Variants in KCNQ5 observed in about 807,000 individuals in gnomAD.
The protein encoded by KCNQ5 is potassium voltage-gated channel subfamily Q member 5.
KCNQ5 carries 30 observed loss-of-function variants against 98.2 expected under a neutral mutation model. That is an observed-to-expected ratio of 0.31 (90% CI 0.23 to 0.41). KCNQ5 has a LOEUF of 0.41. Ranked by LOEUF, KCNQ5 falls within the 10% of genes least tolerant of loss-of-function variation. The probability of loss-of-function intolerance (pLI) is 1.00; values close to 1 mark genes in which losing one functional copy is unlikely to be tolerated. For synonymous variants in KCNQ5, 458 were observed against 449.4 expected (o/e 1.02, Z -0.24); for missense variants, 835 against 1,182.5 (o/e 0.71, Z 4.31).
At chr6:72,839,703 T>C (rs1776698686) in intron 1 of KCNQ5, among the ~76,000 whole-genome samples, 2 of 152,222 alleles carry the variant, frequency 1.3e-5, no homozygotes, top group Admixed American at 1.3e-4. Flanking sequence ...TATATTTTTA[T>C]GGGGTACAAC....
At position 72,783,624 on chromosome 6, in the gene KCNQ5, T is replaced by C. The variant is rs1312457118; in HGVS notation, c.398+161037T>C. On this transcript the variant is annotated intron_variant, in intron 1 of 13. Coordinates refer to ENST00000370398, the MANE Select transcript of KCNQ5 (RefSeq NM_019842.4). ...CTAGGTATTTTTTTATCCTCGATAT[T>C]GCCAGATAAAGAAATTATAGAAAGA... 5.3e-5 allele frequency among the ~76,000 whole-genome samples: 8 copies of C among 152,206 alleles called. No homozygotes were observed. The East Asian group carries it at 1.5e-3, about 29-fold the overall frequency.
At chr6:73,194,347 T>C in intron 13 of KCNQ5, 105 bp from the exon 14 acceptor site, 3 of 987,622 alleles carry the variant, frequency 3.0e-6, no homozygotes, top group Non-Finnish European at 3.0e-6. Flanking sequence ...TCAATATTTC[T>C]TTAAATGTGT....
At chr6:72,641,609 T>A (rs192148118) in intron 1 of KCNQ5, among the ~76,000 whole-genome samples, 387 of 152,152 alleles carry the variant, frequency 2.5e-3, no homozygotes, top group African/African-American at 7.9e-3. Flanking sequence ...TGTGTGTGTG[T>A]GAGAGAGAGA....
chr6:72,978,036 G>A (rs754797241), intron 1 of KCNQ5, among the ~76,000 whole-genome samples: 15 of 152,160 alleles, frequency 9.9e-5, no homozygotes, highest in Non-Finnish European at 1.8e-4. Flanking sequence ...CTGTTCTCAT[G>A]GAGGATACAT....
At chr6:72,837,762 T>C (rs111723277) in intron 1 of KCNQ5, among the ~76,000 whole-genome samples, 2 of 151,394 alleles carry the variant, frequency 1.3e-5, no homozygotes, top group African/African-American at 4.9e-5. Flanking sequence ...ATGTTAAACA[T>C]ATATATGTTT....
intron 1 of KCNQ5, among the ~76,000 whole-genome samples, chr6:72,912,770 A>G (rs1012127680): frequency 6.6e-6 from 1 of 152,232 alleles, no homozygotes; most frequent in Non-Finnish European, 1.5e-5. Flanking sequence ...TCTTTGTTGT[A>G]TTTAAAAACA....
Position 73,196,661 on chromosome 6 carries a change from T to C in KCNQ5, c.*1247T>C, listed in dbSNP as rs773552309. 1 of 152,190 alleles carries C rather than the reference T, an allele frequency of 6.6e-6. No homozygotes were observed. Among genetic ancestry groups the C allele is most frequent in the Non-Finnish European group, 1.5e-5 (1 of 68,044 alleles). The allele number at this position is 152,190 out of a possible 1,614,324, so 9.4% of individuals were successfully genotyped here. A position where few individuals can be genotyped will look rare whatever the true frequency, so the allele number is the denominator to read the frequency against. On this transcript the variant is annotated 3_prime_UTR_variant, in exon 14 of 14. Coordinates refer to ENST00000370398, the MANE Select transcript of KCNQ5 (RefSeq NM_019842.4). ...ACGAAACTTCCTTTACTTTTTATAC[T>C]GTAGTGAAAATTTTCTATTCTTCCC...
intron 1 of KCNQ5, among the ~76,000 whole-genome samples, chr6:72,825,265 T>A (rs146272542): frequency 6.6e-6 from 1 of 152,320 alleles, no homozygotes; most frequent in African/African-American, 2.4e-5. Flanking sequence ...CACTTTCTGT[T>A]CCCCTTCCCT....
chr6:73,102,811 G>A (rs558019094), intron 5 of KCNQ5, among the ~76,000 whole-genome samples: 73 of 152,248 alleles, frequency 4.8e-4, no homozygotes, highest in African/African-American at 1.5e-3. Flanking sequence ...ATTCTGGCAA[G>A]GATTTGGAGA....
chr6:73,080,341 A>G (rs534606900), intron 5 of KCNQ5, among the ~76,000 whole-genome samples: 50 of 152,316 alleles, frequency 3.3e-4, no homozygotes, highest in African/African-American at 1.1e-3. Context: ...ATATGAGAGT[A>G]AAAATTTTAT....
chr6:73,175,757 G>A (rs375790256), intron 11 of KCNQ5, among the ~76,000 whole-genome samples: 16 of 152,226 alleles, frequency 1.1e-4, no homozygotes, highest in Admixed American at 5.9e-4. Context: ...CCTGCTTAGA[G>A]TTGTGAGGAA....
At chr6:72,650,249 A>G (rs995286186) in intron 1 of KCNQ5, among the ~76,000 whole-genome samples, 3 of 152,132 alleles carry the variant, frequency 2.0e-5, no homozygotes, top group Admixed American at 6.6e-5. Context: ...CTGACTAGCT[A>G]AAGTGTATAA....
intron 1 of KCNQ5, among the ~76,000 whole-genome samples, chr6:72,631,574 A>G (rs1218526600): frequency 6.6e-6 from 1 of 152,228 alleles, no homozygotes; most frequent in African/African-American, 2.4e-5. Flanking sequence ...AGAAATTACC[A>G]TTGGATCTGG....
At chr6:72,976,768 G>A (rs1459181852) in intron 1 of KCNQ5, among the ~76,000 whole-genome samples, 2 of 152,138 alleles carry the variant, frequency 1.3e-5, no homozygotes, top group African/African-American at 4.8e-5. Context: ...CATTTATTTA[G>A]GCAGCTTCAA....
intron 1 of KCNQ5, among the ~76,000 whole-genome samples, chr6:72,740,970 T>G (rs1771101934): frequency 6.6e-6 from 1 of 152,194 alleles, no homozygotes; most frequent in Non-Finnish European, 1.5e-5. Context: ...TGACCCTTGG[T>G]GCCAAAGTAA....
chr6:73,120,489 T>C lies in KCNQ5; in HGVS notation c.1132T>C (p.Trp378Arg). 6.2e-7 allele frequency: 1 copy of C among 1,611,972 alleles called. No individual in the cohort carries two copies. The highest frequency in any genetic ancestry group is 8.5e-7 in the Non-Finnish European group (1 of 1,178,506). ...NPAANLIQCVWRSYAADEKSV... is the reference protein window; with the variant it reads ...NPAANLIQCVRRSYAADEKSV... ...CCATCTATGCCACATGCAGTGTGTT[T>C]GGCGTAGTTACGCAGCTGATGAGAA... The change falls in exon 8 of 14, where the codon TGG (tryptophan) becomes CGG (arginine). Residue 378 changes from tryptophan to arginine, a missense_variant. Transcript: ENST00000370398.
chr6:72,658,578 A>ATATATATATATATT (rs1226386362), intron 1 of KCNQ5, among the ~76,000 whole-genome samples: 2 of 76,378 alleles, frequency 2.6e-5, no homozygotes, highest in African/African-American at 4.4e-5. Flanking sequence ...ATATATATAT[A>ATATATATATATATT]TTTTTTTTTT....
At chr6:72,845,398 T>C (rs890293819) in intron 1 of KCNQ5, among the ~76,000 whole-genome samples, 5 of 152,224 alleles carry the variant, frequency 3.3e-5, no homozygotes. Context: ...ATCTCACTTA[T>C]ACCTTGATCC....
chr6:72,795,895 G>T (rs1432423844), intron 1 of KCNQ5, among the ~76,000 whole-genome samples: 1 of 151,808 alleles, frequency 6.6e-6, no homozygotes, highest in East Asian at 1.9e-4. Context: ...ATATATATAT[G>T]TTCCTCTGCT....
Sources: allele counts gnomAD v4.1 joint callset (sites outside exome capture counted in the v4.1 genomes callset), GRCh38; gene constraint gnomAD v4.1.1; transcripts MANE v1.5; gene names NCBI Gene and HGNC (gene_info 2026-07-23, HGNC 2026-07-21).